Variants in DNAAF5 observed in about 807,000 individuals in gnomAD.
DNAAF5 encodes dynein axonemal assembly factor 5, also known as HEAT repeat containing 2.
In DNAAF5, 64 loss-of-function variants were observed where a neutral mutation model predicts 75.8. The observed-to-expected ratio is 0.84, with a 90% CI of 0.69 to 1.04. The LOEUF (loss-of-function observed/expected upper bound fraction) is 1.04. Ranked by LOEUF, DNAAF5 falls within the 50% of genes least tolerant of loss-of-function variation. DNAAF5 has a pLI of 0.00. For synonymous variants in DNAAF5, 657 were observed against 557.2 expected, an observed-to-expected ratio of 1.18 and a Z score of -2.52; for missense variants, 1,269 against 1,178.5, an observed-to-expected ratio of 1.08 and a Z score of -1.12.
chr7:770,707 G>GAGGT, intron 9 of DNAAF5, 89 bp downstream of exon 9: 1 of 1,304,816 alleles, frequency 7.7e-7, no homozygotes, highest in Non-Finnish European at 1.1e-6. Flanking sequence ...ACTGAGCAAG[G>GAGGT]GGGTTCCCAC....
chr7:782,864 C>A (rs4719313), intron 12 of DNAAF5, among the ~76,000 whole-genome samples: 1 of 151,156 alleles, frequency 6.6e-6, no homozygotes, highest in Non-Finnish European at 1.5e-5. Context: ...ACCTTCCTGG[C>A]GTGGCCGCGT....
intron 5 of DNAAF5, 38 bp from the exon 6 acceptor site, chr7:756,744 G>A (rs201632017): frequency 1.9e-6 from 3 of 1,599,602 alleles, no homozygotes; most frequent in South Asian, 2.2e-5. Context: ...GAGACCCTCG[G>A]GTTTGGCTCT....
intron 12 of DNAAF5, among the ~76,000 whole-genome samples, chr7:782,743 C>T (rs563219313): frequency 1.6e-4 from 21 of 132,584 alleles, no homozygotes; most frequent in African/African-American, 6.0e-4. Flanking sequence ...CCTCCCGTCA[C>T]GCAGCGTCAG....
intron 4 of DNAAF5, among the ~76,000 whole-genome samples, chr7:752,589 G>A (rs987342118): frequency 3.6e-4 from 53 of 146,256 alleles, no homozygotes; most frequent in Admixed American, 6.8e-4. Flanking sequence ...TCGTGACCGC[G>A]GGCCAGGCCA....
At position 785,688 on chromosome 7, in the gene DNAAF5, C is replaced by G; in HGVS notation, c.*35C>G. On this transcript the variant is annotated 3_prime_UTR_variant, in exon 13 of 13. Coordinates refer to ENST00000297440, the MANE Select transcript of DNAAF5 (RefSeq NM_017802.4). The stretch of plus-strand genomic sequence containing the variant: ...TTTCAGCCACGGCACACCCTTGTCC[C>G]CACCTGAGCCAGAGTTTGTGGCCTT... 6.2e-7 allele frequency: 1 copy of G among 1,603,258 alleles called. No individual in the cohort carries two copies. The highest frequency in any genetic ancestry group is 8.5e-7 in the Non-Finnish European group (1 of 1,174,424).
chr7:779,238 C>CATGG (rs1357591984), intron 11 of DNAAF5, among the ~76,000 whole-genome samples: 2 of 152,210 alleles, frequency 1.3e-5, no homozygotes, highest in Non-Finnish European at 2.9e-5. Context: ...TGGTGCCAGG[C>CATGG]GCGGGCAGCC....
chr7:769,461 C>G (rs899353832), intron 8 of DNAAF5, among the ~76,000 whole-genome samples: 1 of 152,104 alleles, frequency 6.6e-6, no homozygotes, highest in African/African-American at 2.4e-5. Context: ...ACAGTGCAGG[C>G]GCCCAAGCCT....
chr7:754,406 T>G lies in DNAAF5; in HGVS notation c.1025-183T>G, dbSNP rs539016652. On this transcript the variant is annotated intron_variant, in intron 4 of 12. Transcript: ENST00000297440. The surrounding 1 kb of genome is among the most constrained non-coding windows in gnomAD (Gnocchi z 4.8). Reference sequence around the variant, plus strand: ...CTCCACAGGGCTAGGACTGCAGCCGTGCACCGCCTCTGTGAATGTTCTGAA... The same window carrying G: ...CTCCACAGGGCTAGGACTGCAGCCGGGCACCGCCTCTGTGAATGTTCTGAA... Among the ~76,000 whole-genome samples, 18 of 152,292 alleles carry G rather than the reference T, an allele frequency of 1.2e-4. No individual in the cohort carries two copies. In the East Asian group the frequency reaches 3.5e-3, roughly 29 times the overall value.
At chr7:783,327 A>G (rs1164717561) in intron 12 of DNAAF5, among the ~76,000 whole-genome samples, 1 of 152,072 alleles carries the variant, frequency 6.6e-6, no homozygotes, top group Admixed American at 6.6e-5. Flanking sequence ...TGGCAGGTGA[A>G]GCCGTGTGCT....
At chr7:762,490 C>T (rs115033787) in intron 7 of DNAAF5, among the ~76,000 whole-genome samples, 2 of 131,240 alleles carry the variant, frequency 1.5e-5, no homozygotes, top group Admixed American at 1.5e-4. Context: ...AGACTCCGTC[C>T]AAAAAAAAAA....
intron 4 of DNAAF5, among the ~76,000 whole-genome samples, chr7:749,717 A>T (rs987107289): frequency 3.3e-5 from 5 of 152,062 alleles, no homozygotes; most frequent in African/African-American, 9.7e-5. Flanking sequence ...TCTTTTTTTG[A>T]GGCAGACTTG....
rs568927090 is a variant in DNAAF5, at chr7:770,759, C to G, written c.1931+141C>G. 2.5e-4 allele frequency: 192 copies of G among 764,420 alleles called. 1 individual carries two copies. In the South Asian group the frequency reaches 3.7e-3, roughly 15 times the overall value. The allele number at this position is 764,420 out of a possible 1,614,324, so 47.4% of individuals were successfully genotyped here. ...GCACTGCGCAAGGGGTTCCCCATCTCCCTCCCCCACACTGAGTCAAAGGTG... is the reference window on the plus strand; with the variant it reads ...GCACTGCGCAAGGGGTTCCCCATCTGCCTCCCCCACACTGAGTCAAAGGTG... On this transcript the variant is annotated intron_variant, in intron 9 of 12. Coordinates refer to ENST00000297440, the MANE Select transcript of DNAAF5 (RefSeq NM_017802.4).
rs556573138 is a variant in DNAAF5, at chr7:749,624, C to T, written c.1025-4965C>T. On this transcript the variant is annotated intron_variant, in intron 4 of 12. Transcript: ENST00000297440. Reference sequence around the variant, plus strand: ...CAAATGGGCTGGAAAAGCTGGTTAACATTGTTTGAAGCCAGCAAGGTCCCA... The same window carrying T: ...CAAATGGGCTGGAAAAGCTGGTTAATATTGTTTGAAGCCAGCAAGGTCCCA... 3.3e-5 allele frequency among the ~76,000 whole-genome samples: 5 copies of T among 152,334 alleles called. No individual in the cohort carries two copies. In the South Asian group the frequency reaches 1.0e-3, roughly 32 times the overall value.
chr7:775,511 GGT>G (rs10582414), intron 11 of DNAAF5, among the ~76,000 whole-genome samples: 12,883 of 150,480 alleles, frequency 0.086, 594 homozygotes, highest in East Asian at 0.12. Context: ...TAAAAGTAGG[GGT>G]GTGTGTGTGT....
chr7:754,340 G>C lies in DNAAF5; in HGVS notation c.1025-249G>C, dbSNP rs1000385357. On this transcript the variant is annotated intron_variant, in intron 4 of 12. Transcript: ENST00000297440. The surrounding 1 kb of genome is among the most constrained non-coding windows in gnomAD (Gnocchi z 4.8). ...GGGTCTTTGCCATGTTGCCCAGGCT[G>C]GTCTTGACTTCCTGGGCTCTAGTGA... Among the ~76,000 whole-genome samples, 5 of 152,120 alleles carry C rather than the reference G, an allele frequency of 3.3e-5. No homozygotes were observed. Among genetic ancestry groups the C allele is most frequent in the African/African-American group, 1.2e-4 (5 of 41,418 alleles).
chr7:749,934 G>A (rs1330583112), intron 4 of DNAAF5, among the ~76,000 whole-genome samples: 1 of 152,152 alleles, frequency 6.6e-6, no homozygotes, highest in Non-Finnish European at 1.5e-5. Flanking sequence ...CCTGGCCTCA[G>A]GTGATCCACC....
chr7:785,136 C>G (rs1779107009), intron 12 of DNAAF5, among the ~76,000 whole-genome samples: 1 of 152,374 alleles, frequency 6.6e-6, no homozygotes, highest in South Asian at 2.1e-4. Context: ...ACGTGGCCAG[C>G]AGCATCAGGT....
rs1276413726 is a variant in DNAAF5, at chr7:785,834, T to G, written c.*181T>G. The G allele has an allele frequency of 4.6e-6, 3 of 653,352 alleles. No homozygotes were observed. Among genetic ancestry groups the G allele is most frequent in the Non-Finnish European group, 5.1e-6 (2 of 393,032 alleles). 40.5% of individuals were successfully genotyped at this position (653,352 alleles called of 1,614,324 possible). ...ACAGCCTCTGAGTGGATTCTGCATG[T>G]TATGTGATTTGTTCTGTTCATCGAG... On this transcript the variant is annotated 3_prime_UTR_variant, in exon 13 of 13. Coordinates refer to ENST00000297440, the MANE Select transcript of DNAAF5 (RefSeq NM_017802.4).
At chr7:744,252 C>G (rs1200861283) in intron 4 of DNAAF5, among the ~76,000 whole-genome samples, 1 of 152,148 alleles carries the variant, frequency 6.6e-6, no homozygotes, top group Non-Finnish European at 1.5e-5. Flanking sequence ...ATCCATGTCC[C>G]TACAAAGGAC....
Sources: allele counts gnomAD v4.1 joint callset (sites outside exome capture counted in the v4.1 genomes callset), GRCh38; gene constraint gnomAD v4.1.1; non-coding constraint Gnocchi (gnomAD v3.1); transcripts MANE v1.5; gene names NCBI Gene and HGNC (gene_info 2026-07-23, HGNC 2026-07-21).